Variants in PSD3 observed in about 807,000 individuals in gnomAD.
PSD3 encodes pleckstrin and Sec7 domain containing 3.
Under a neutral mutation model 105.5 loss-of-function variants are expected in PSD3, and 49 were observed. That is an observed-to-expected ratio of 0.46 (90% confidence interval 0.37 to 0.59). The LOEUF is 0.59. Ranked by LOEUF, PSD3 falls within the 20% of genes least tolerant of loss-of-function variation. PSD3 has a pLI of 0.00. For missense variants in PSD3, 1,561 were observed against 1,263.8 expected (o/e 1.24, Z -3.57); for synonymous variants, 557 against 457.8 (o/e 1.22, Z -2.77).
rs189701668 is a variant in PSD3 at position 18,946,471 on chromosome 8, C to T, written c.22-10329G>A. Among the ~76,000 whole-genome samples, 8 of 152,268 alleles carry T rather than the reference C, an allele frequency of 5.3e-5. No homozygotes were observed. The East Asian group carries it at 1.5e-3, about 29-fold the overall frequency. The stretch of plus-strand genomic sequence containing the variant: ...TGTCATGCACCCATAGTCCCTACTA[C>T]TCAGGAGCGTGAGGGAGGAGAATCA... On this transcript the variant is annotated intron_variant, in intron 1 of 15. Coordinates refer to ENST00000327040, the MANE Select transcript of PSD3 (RefSeq NM_015310.4).
chr8:18,543,336 CAGGCGCG>C (rs2129992691), intron 15 of PSD3, among the ~76,000 whole-genome samples: 1 of 152,198 alleles, frequency 6.6e-6, no homozygotes, highest in Non-Finnish European at 1.5e-5. Context: ...CAAATATGGC[CAGGCGCG>C]GTGACTCACA....
chr8:19,001,405 C>T (rs1374070847), intron 1 of PSD3, among the ~76,000 whole-genome samples: 1 of 150,948 alleles, frequency 6.6e-6, no homozygotes. Context: ...AACACATGCA[C>T]AGTTTCCCCC....
chr8:18,568,704 T>C (rs1563331164), intron 14 of PSD3, among the ~76,000 whole-genome samples: 2 of 19,490 alleles, frequency 1.0e-4, no homozygotes, highest in Non-Finnish European at 4.2e-4. Context: ...TACCTTCTTC[T>C]TCTTTTTTTT....
rs117382840 is a variant in PSD3 at position 18,935,000 on chromosome 8, A to T, written c.130+1034T>A. Among the ~76,000 whole-genome samples, 327 of 152,324 alleles carry T rather than the reference A, an allele frequency of 2.1e-3. 3 individuals carry two copies. The East Asian group carries it at 0.025, about 12-fold the overall frequency. On this transcript the variant is annotated intron_variant, in intron 2 of 15. Transcript: ENST00000327040. ...CTCTGCGGTCAGGCAAACTTGCCTT[A>T]TACTCCTGGCTCTGCTGTGTGAGTG...
At chr8:19,074,620 T>A (rs1266460043) in intron 1 of PSD3, among the ~76,000 whole-genome samples, 20 of 108,126 alleles carry the variant, frequency 1.8e-4, no homozygotes, top group South Asian at 7.2e-4. Flanking sequence ...TATTTTTTTT[T>A]TTTTTTTTTT....
intron 10 of PSD3, among the ~76,000 whole-genome samples, chr8:18,640,207 C>T (rs722310): frequency 0.74 from 112,939 of 152,054 alleles, 41,998 homozygotes; most frequent in African/African-American, 0.77. Context: ...TGTGTCTCCA[C>T]AGCATTGACC....
In PSD3 at chr8:18,535,626, C is replaced by T; in HGVS notation, c.*117G>A. 1.2e-6 allele frequency: 1 copy of T among 812,894 alleles called. No homozygotes were observed. The highest frequency in any genetic ancestry group is 1.7e-5 in the South Asian group (1 of 57,692). The allele number at this position is 812,894 out of a possible 1,614,324, so 50.4% of individuals were successfully genotyped here. ...CAAAAATATACAATAGAAAAAATTACTAATGCACCGTTTTGTCACAGACTT... is the reference window on the plus strand; with the variant it reads ...CAAAAATATACAATAGAAAAAATTATTAATGCACCGTTTTGTCACAGACTT... On this transcript the variant is annotated 3_prime_UTR_variant, in exon 16 of 16. Transcript: ENST00000327040.
rs10105939 is a variant in PSD3, at chr8:19,037,134, C to G, written c.324+47072G>C. Among the ~76,000 whole-genome samples, 1,050 of 152,342 alleles carry G rather than the reference C, an allele frequency of 6.9e-3. 12 individuals carry two copies. Among genetic ancestry groups the G allele is most frequent in the African/African-American group, 0.024 (982 of 41,580 alleles). On this transcript the variant is annotated intron_variant, in intron 1 of 1. Coordinates refer to the PSD3 transcript ENST00000521475. The stretch of plus-strand genomic sequence containing the variant: ...TTGTGGTTTAAAGGGATATTTTGAT[C>G]GCTTAAGCCTGAGGAATGATTGAAA...
At chr8:18,682,333 T>C (rs1800434833) in intron 9 of PSD3, among the ~76,000 whole-genome samples, 1 of 152,232 alleles carries the variant, frequency 6.6e-6, no homozygotes, top group Admixed American at 6.5e-5. Context: ...AGTGCTCTTA[T>C]AGAAGCCAAT....
chr8:18,719,202 G>A (rs1415833482), intron 9 of PSD3, among the ~76,000 whole-genome samples: 2 of 152,178 alleles, frequency 1.3e-5, no homozygotes, highest in East Asian at 3.9e-4. Context: ...ATGGGTATGA[G>A]TGGACGCCAC....
chr8:18,822,621 T>A (rs1211224377), intron 4 of PSD3, among the ~76,000 whole-genome samples: 1 of 152,308 alleles, frequency 6.6e-6, no homozygotes, highest in East Asian at 1.9e-4. Context: ...CTGACCTAAA[T>A]GACATAAGCT....
At chr8:18,564,670 G>C (rs187832608) in intron 14 of PSD3, among the ~76,000 whole-genome samples, 1 of 151,560 alleles carries the variant, frequency 6.6e-6, no homozygotes, top group East Asian at 1.9e-4. Context: ...GAAGTGACAG[G>C]ACTTTATGAC....
At chr8:18,927,060 T>G (rs758327518) in intron 2 of PSD3, among the ~76,000 whole-genome samples, 1 of 152,164 alleles carries the variant, frequency 6.6e-6, no homozygotes, top group South Asian at 2.1e-4. Flanking sequence ...ACTGGCTTAT[T>G]ATAAAGGGTA....
intron 1 of PSD3, among the ~76,000 whole-genome samples, chr8:19,070,137 C>A (rs781730396): frequency 2.0e-5 from 3 of 151,636 alleles, no homozygotes; most frequent in Non-Finnish European, 4.4e-5. Flanking sequence ...GCCCATAGTT[C>A]GGGGTACTCA....
chr8:18,550,457 A>C (rs1355721548), intron 15 of PSD3, among the ~76,000 whole-genome samples: 1 of 152,206 alleles, frequency 6.6e-6, no homozygotes, highest in African/African-American at 2.4e-5. Flanking sequence ...CATAATTGTA[A>C]TACAGAATCT....
chr8:18,679,922 T>C (rs1320621806), intron 9 of PSD3, among the ~76,000 whole-genome samples: 1 of 152,196 alleles, frequency 6.6e-6, no homozygotes, highest in Non-Finnish European at 1.5e-5. Flanking sequence ...TCTAGCATCA[T>C]GCTTATTCCT....
intron 1 of PSD3, among the ~76,000 whole-genome samples, chr8:19,030,519 T>A (rs1385995206): frequency 6.6e-6 from 1 of 152,100 alleles, no homozygotes; most frequent in Admixed American, 6.6e-5. Context: ...TACTTAAAAG[T>A]GTGTGGCACC....
At chr8:19,083,853 T>C (rs560594231) in intron 1 of PSD3, among the ~76,000 whole-genome samples, 1 of 152,322 alleles carries the variant, frequency 6.6e-6, no homozygotes, top group African/African-American at 2.4e-5. Flanking sequence ...TGTGAGAAAA[T>C]GCCTAGCACA....
intron 4 of PSD3, among the ~76,000 whole-genome samples, chr8:18,848,544 G>A (rs1297776742): frequency 6.6e-6 from 1 of 152,198 alleles, no homozygotes; most frequent in Non-Finnish European, 1.5e-5. Context: ...GCAGCTTGTA[G>A]CAGTGGTGAT....
Sources: gnomAD v4.1 joint callset for allele counts (sites outside exome capture counted in the v4.1 genomes callset) on GRCh38, gnomAD v4.1.1 for gene constraint, MANE v1.5 for transcripts, NCBI Gene and HGNC (gene_info 2026-07-23, HGNC 2026-07-21) for gene names.